Variants in ATP11A observed in about 807,000 individuals in gnomAD.
The protein encoded by ATP11A is phospholipid-transporting ATPase IH.
ATP11A carries 81 observed loss-of-function variants against 154.4 expected under a neutral mutation model. The ratio of observed to expected loss-of-function variants is 0.52; its 90% CI spans 0.44 to 0.63. The LOEUF is 0.63. ATP11A is among the 30% of genes least tolerant of loss of function. ATP11A has a pLI of 0.00. For synonymous variants in ATP11A, 623 were observed against 585.9 expected (o/e 1.06, Z -0.91); for missense variants, 1,316 against 1,474.3 (o/e 0.89, Z 1.76).
chr13:112,867,319 G>A (rs1225043934), intron 25 of ATP11A, among the ~76,000 whole-genome samples: 2 of 152,202 alleles, frequency 1.3e-5, no homozygotes, highest in African/African-American at 4.8e-5. Flanking sequence ...ATACCCGGAC[G>A]TCCGGCTCCA....
In ATP11A at chr13:112,726,249, G is replaced by C. The variant is rs573155576; in HGVS notation, c.39+35794G>C. Among the ~76,000 whole-genome samples the C allele has an allele frequency of 5.3e-5, 8 of 151,856 alleles. No homozygotes were observed. The South Asian group carries it at 1.0e-3, about 20-fold the overall frequency. On this transcript the variant is annotated intron_variant, in intron 1 of 29. Coordinates refer to ENST00000375645, the MANE Select transcript of ATP11A (RefSeq NM_015205.3). ...GGGAGAGGAGCCAGGGAGGAAGCAC[G>C]TGCGTGCAGGGAGAGGGGCCAGAGG...
chr13:112,878,025 C>T (rs192417031), intron 28 of ATP11A, among the ~76,000 whole-genome samples, 192 bp from the exon 29 acceptor site: 16 of 152,226 alleles, frequency 1.1e-4, no homozygotes, highest in African/African-American at 2.9e-4. Context: ...TGGCGGGTCA[C>T]GGTGGGGGGC....
At chr13:112,702,042 G>T (rs1464054956) in intron 1 of ATP11A, among the ~76,000 whole-genome samples, 1 of 151,624 alleles carries the variant, frequency 6.6e-6, no homozygotes, top group Non-Finnish European at 1.5e-5. Flanking sequence ...GTCACAGAGT[G>T]TGCAAAAACA....
Position 112,824,309 on chromosome 13 carries a change from G to A in ATP11A, c.791-35G>A, listed in dbSNP as rs377186055. ...TCACCATAAGGCAAGACACACTTGC[G>A]CCCTGGTCATCACCCTTGCTCTTCC... is the stretch of plus-strand genomic sequence containing the variant. On this transcript the variant is annotated intron_variant, in intron 9 of 29. Transcript: ENST00000375645. 2.2e-5 allele frequency: 34 copies of A among 1,546,952 alleles called. No individual in the cohort carries two copies. The Middle Eastern group carries it at 8.4e-4, about 38-fold the overall frequency.
Position 112,883,572 on chromosome 13 carries a change from A to C in ATP11A, c.*1706A>C, listed in dbSNP as rs2080930096. ...ATAATCTTTTACCTATAAAATATTTATTTGAAGTAGAGGGTAAATCAGCGG... is the reference window on the plus strand; with the variant it reads ...ATAATCTTTTACCTATAAAATATTTCTTTGAAGTAGAGGGTAAATCAGCGG... On this transcript the variant is annotated 3_prime_UTR_variant, in exon 30 of 30. Coordinates refer to ENST00000375645, the MANE Select transcript of ATP11A (RefSeq NM_015205.3). 5.8e-6 allele frequency: 1 copy of C among 172,064 alleles called. No homozygotes were observed. Among genetic ancestry groups the C allele is most frequent in the African/African-American group, 2.4e-5 (1 of 42,330 alleles). The allele number at this position is 172,064 out of a possible 1,614,324, so 10.7% of individuals were successfully genotyped here.
At chr13:112,800,855 G>A (rs192970741) in intron 2 of ATP11A, among the ~76,000 whole-genome samples, 9 of 152,198 alleles carry the variant, frequency 5.9e-5, no homozygotes, top group Admixed American at 3.9e-4. Flanking sequence ...TTTGAAAATC[G>A]ACTAATATAA....
intron 17 of ATP11A, among the ~76,000 whole-genome samples, chr13:112,845,381 G>C (rs1382051649): frequency 9.1e-6 from 1 of 110,258 alleles, no homozygotes; most frequent in Non-Finnish European, 1.7e-5. Context: ...ATTCAGTCCA[G>C]TTGCCAGCAC....
chr13:112,821,914 C>T (rs1350455991), intron 8 of ATP11A, among the ~76,000 whole-genome samples: 1 of 152,186 alleles, frequency 6.6e-6, no homozygotes, highest in African/African-American at 2.4e-5. Flanking sequence ...AGCCAGACAA[C>T]CCATATGCAG....
chr13:112,824,443 T>C lies in ATP11A; in HGVS notation c.872+18T>C. 1 of 1,610,896 alleles carries C rather than the reference T, an allele frequency of 6.2e-7. No individual in the cohort carries two copies. The highest frequency in any genetic ancestry group is 2.2e-5 in the East Asian group (1 of 44,854). On this transcript the variant is annotated intron_variant, in intron 10 of 29. Coordinates refer to ENST00000375645, the MANE Select transcript of ATP11A (RefSeq NM_015205.3). Reference sequence around the variant, plus strand: ...GTGGAAAAGTAAGGCTGGATGCGCGTGAGAACCTGCAACTTAAAAGTGTCA... The same window carrying C: ...GTGGAAAAGTAAGGCTGGATGCGCGCGAGAACCTGCAACTTAAAAGTGTCA...
intron 1 of ATP11A, among the ~76,000 whole-genome samples, chr13:112,772,553 C>T (rs1481552332): frequency 1.2e-5 from 1 of 81,372 alleles, no homozygotes; most frequent in African/African-American, 3.1e-5. Flanking sequence ...ACCCCATGCC[C>T]AGTACCAGGC....
chr13:112,804,896 A>G, intron 2 of ATP11A, 61 bp from the exon 3 acceptor site: 1 of 1,033,132 alleles, frequency 9.7e-7, no homozygotes, highest in Non-Finnish European at 1.5e-6. Context: ...TATGCCCTAG[A>G]GTAACACTAC....
chr13:112,777,951 G>A (rs1202720344), intron 1 of ATP11A, among the ~76,000 whole-genome samples: 1 of 152,236 alleles, frequency 6.6e-6, no homozygotes, highest in African/African-American at 2.4e-5. Context: ...GCACGGAGAG[G>A]CCTGGGCCTG....
At chr13:112,879,204 C>T (rs1225796236) in intron 29 of ATP11A, among the ~76,000 whole-genome samples, 1 of 152,226 alleles carries the variant, frequency 6.6e-6, no homozygotes, top group Admixed American at 6.5e-5. Flanking sequence ...TTACCAAATG[C>T]AGCTTAGAAA....
chr13:112,851,109 C>G lies in ATP11A; in HGVS notation c.1882C>G (p.Leu628Val). The G allele has an allele frequency of 6.2e-7, 1 of 1,614,234 alleles. No homozygotes were observed. ...AGAATATGAAGGCATTTGTAAGCTG[C>G]TGCAGGCTGCCAAAGTGGCCCTTCA... is the stretch of plus-strand genomic sequence containing the variant. ...QEEYEGICKL[L>V]QAAKVALQDR... The change falls in exon 18 of 30, where the codon CTG becomes GTG. Residue 628 changes from leucine to valine, a missense_variant. Transcript: ENST00000375645.
chr13:112,761,233 G>A (rs1266011587), intron 1 of ATP11A, among the ~76,000 whole-genome samples: 1 of 152,194 alleles, frequency 6.6e-6, no homozygotes, highest in African/African-American at 2.4e-5. Context: ...CAGTGAGGCA[G>A]GCAATGCGGG....
In ATP11A at chr13:112,805,031, C is replaced by T. The variant is rs770666902; in HGVS notation, c.237C>T (p.Ile79=). The T allele has an allele frequency of 6.2e-7, 1 of 1,610,250 alleles. No individual in the cohort carries two copies. The highest frequency in any genetic ancestry group is 1.1e-5 in the South Asian group (1 of 90,266). The stretch of plus-strand genomic sequence containing the variant: ...GAGTAGCCAACTTTTATTTCCTTAT[C>T]ATATTTCTGGTGCAGGTAAGGCCGG... ...FRRVANFYFL[I]IFLVQLIIDT... The change falls in exon 3 of 30, where the codon ATC becomes ATT. Residue 79 remains isoleucine (I), a synonymous_variant. Transcript: ENST00000375645.
chr13:112,698,971 A>G (rs966162240), intron 1 of ATP11A, among the ~76,000 whole-genome samples: 13 of 152,138 alleles, frequency 8.5e-5, no homozygotes, highest in African/African-American at 3.1e-4. Flanking sequence ...CAAATGATCC[A>G]TCTGCCTCGG....
intron 2 of ATP11A, among the ~76,000 whole-genome samples, chr13:112,788,040 C>A (rs1380077021): frequency 2.7e-4 from 41 of 150,442 alleles, no homozygotes; most frequent in African/African-American, 9.5e-4. Context: ...CACCAAGTGT[C>A]CTGATGTGTA....
chr13:112,875,013 C>T lies in ATP11A; in HGVS notation c.3162-763C>T, dbSNP rs547937923. Among the ~76,000 whole-genome samples the T allele has an allele frequency of 6.6e-6, 1 of 152,322 alleles. No individual in the cohort carries two copies. Among genetic ancestry groups the T allele is most frequent in the East Asian group, 1.9e-4 (1 of 5,174 alleles). On this transcript the variant is annotated intron_variant, in intron 27 of 29. Coordinates refer to ENST00000375645, the MANE Select transcript of ATP11A (RefSeq NM_015205.3). This position sits in a 1 kb window ranked among gnomAD's most constrained non-coding sequence, Gnocchi z 4.1. ...GTGCTGGGAGCTCACCATGTCACCACCGCTTGGTGATGAGACCCCATCCTC... is the reference window on the plus strand; with the variant it reads ...GTGCTGGGAGCTCACCATGTCACCATCGCTTGGTGATGAGACCCCATCCTC...
Sources: gnomAD v4.1 joint callset for allele counts (sites outside exome capture counted in the v4.1 genomes callset) on GRCh38, gnomAD v4.1.1 for gene constraint, Gnocchi (gnomAD v3.1) non-coding constraint, MANE v1.5 for transcripts, NCBI Gene and HGNC (gene_info 2026-07-23, HGNC 2026-07-21) for gene names.